DIAPH2: variants seen among roughly 807,000 people sequenced by gnomAD.
DIAPH2 encodes the protein diaphanous related formin 2, also known as protein diaphanous homolog 2.
DIAPH2 carries 35 observed loss-of-function variants against 92.7 expected under a neutral mutation model. The observed-to-expected ratio is 0.38, with a 90% CI of 0.29 to 0.50. The LOEUF (loss-of-function observed/expected upper bound fraction) is 0.50, where lower values mean the gene tolerates loss of function less well. Ranked by LOEUF, DIAPH2 falls within the 20% of genes least tolerant of loss-of-function variation. DIAPH2 has a pLI of 0.94. For synonymous variants in DIAPH2, 301 were observed against 280.4 expected (o/e 1.07, Z -0.73); for missense variants, 701 against 819.5 (o/e 0.86, Z 1.77).
At chrX:97,127,735 G>A (rs953961262) in intron 21 of DIAPH2, among the ~76,000 whole-genome samples, 2 of 112,508 alleles carry the variant, frequency 1.8e-5, no homozygotes, top group Admixed American at 1.9e-4. Flanking sequence ...GGCCAGGTGC[G>A]GTGGCTCACG....
intron 23 of DIAPH2, among the ~76,000 whole-genome samples, chrX:97,327,906 A>G (rs1343134515): frequency 1.8e-5 from 2 of 112,252 alleles, no homozygotes; most frequent in Admixed American, 1.9e-4. Context: ...TTCCAAGTTG[A>G]CATTTCCCTG....
chrX:97,225,447 T>C (rs1460425873), intron 22 of DIAPH2, among the ~76,000 whole-genome samples: 1 of 111,783 alleles, frequency 8.9e-6, no homozygotes, highest in Non-Finnish European at 1.9e-5. Flanking sequence ...CAAGTGAATA[T>C]TATTTATACT....
intron 9 of DIAPH2, among the ~76,000 whole-genome samples, chrX:96,929,682 T>C (rs2065606997): frequency 9.0e-6 from 1 of 111,513 alleles, no homozygotes; most frequent in African/African-American, 3.2e-5. Flanking sequence ...AATATATTTT[T>C]CCCATGCTAA....
At chrX:97,296,536 T>C (rs1342941143) in intron 23 of DIAPH2, among the ~76,000 whole-genome samples, 3 of 112,049 alleles carry the variant, frequency 2.7e-5, no homozygotes, top group Middle Eastern at 4.6e-3. Flanking sequence ...TTCTCTCACA[T>C]GTAAGCATAT....
intron 20 of DIAPH2, among the ~76,000 whole-genome samples, chrX:97,110,852 G>A (rs899284136): frequency 8.1e-5 from 9 of 110,833 alleles, no homozygotes; most frequent in African/African-American, 1.3e-4. Flanking sequence ...GCATGGTGGC[G>A]GCTGCCTGTA....
intron 24 of DIAPH2, among the ~76,000 whole-genome samples, chrX:97,358,699 A>C (rs186240797): frequency 9.0e-6 from 1 of 110,791 alleles, no homozygotes; most frequent in East Asian, 2.8e-4. Flanking sequence ...GGCTTGTAAA[A>C]TTTTTTAATT....
intron 24 of DIAPH2, among the ~76,000 whole-genome samples, chrX:97,358,019 C>T (rs754466833): frequency 8.9e-6 from 1 of 111,872 alleles, no homozygotes; most frequent in Non-Finnish European, 1.9e-5. Flanking sequence ...ACATTGTCTC[C>T]TAGTTTTCCA....
intron 19 of DIAPH2, among the ~76,000 whole-genome samples, chrX:97,085,668 C>T (rs1402753161): frequency 9.0e-6 from 1 of 111,394 alleles, no homozygotes; most frequent in Middle Eastern, 4.2e-3. Context: ...CCGCCTGCCT[C>T]GGCCTCCCAA....
chrX:96,918,718 T>C (rs1287471715), intron 9 of DIAPH2, 101 bp downstream of exon 9: 6 of 542,397 alleles, frequency 1.1e-5, no homozygotes, highest in Non-Finnish European at 1.7e-5. Flanking sequence ...TAGTATGGAA[T>C]GTAAAACTAA....
chrX:97,323,414 A>C (rs1477016423), intron 23 of DIAPH2, among the ~76,000 whole-genome samples: 3 of 99,631 alleles, frequency 3.0e-5, no homozygotes, highest in Non-Finnish European at 6.1e-5. Flanking sequence ...ACACGGTGAA[A>C]CCCTGTCTCT....
chrX:96,877,214 G>A (rs1569418150), intron 4 of DIAPH2, among the ~76,000 whole-genome samples: 1 of 111,294 alleles, frequency 9.0e-6, no homozygotes, highest in Non-Finnish European at 1.9e-5. Context: ...GATGAAAATG[G>A]CATTTTGATT....
In DIAPH2 at chrX:96,803,418, C is replaced by G. The variant is rs754959474; in HGVS notation, c.447+45160C>G. The stretch of plus-strand genomic sequence containing the variant: ...TCATACAGAAAATCTGATATGTTAG[C>G]CCCTAATTTAACCAATATGTTAAAT... On this transcript the variant is annotated intron_variant, in intron 4 of 26. Coordinates refer to ENST00000324765, the MANE Select transcript of DIAPH2 (RefSeq NM_006729.5). Among the ~76,000 whole-genome samples the G allele has an allele frequency of 6.3e-5, 7 of 111,431 alleles. No individual in the cohort carries two copies. In the South Asian group the frequency reaches 2.6e-3, roughly 42 times the overall value.
intron 22 of DIAPH2, among the ~76,000 whole-genome samples, chrX:97,218,241 C>T (rs1166047615): frequency 1.8e-5 from 2 of 109,987 alleles, no homozygotes; most frequent in Admixed American, 9.7e-5. Flanking sequence ...AGGTGCCTGC[C>T]ACCACACACA....
intron 3 of DIAPH2, among the ~76,000 whole-genome samples, chrX:96,740,572 A>C (rs1422618480): frequency 9.0e-6 from 1 of 111,710 alleles, no homozygotes; most frequent in Non-Finnish European, 1.9e-5. Context: ...TCTTCCCTTC[A>C]TTGATTATCT....
chrX:97,080,741 G>A (rs993038938), intron 19 of DIAPH2, among the ~76,000 whole-genome samples: 1 of 111,313 alleles, frequency 9.0e-6, no homozygotes, highest in African/African-American at 3.3e-5. Flanking sequence ...AAAGATAGAT[G>A]GGTATCTATT....
chrX:96,856,667 C>G (rs765904291), intron 4 of DIAPH2, among the ~76,000 whole-genome samples: 1 of 110,123 alleles, frequency 9.1e-6, no homozygotes, highest in Non-Finnish European at 1.9e-5. Context: ...TACTCATTTG[C>G]TCTTTCAGCA....
At chrX:97,300,749 G>T (rs1221719795) in intron 23 of DIAPH2, among the ~76,000 whole-genome samples, 2 of 88,124 alleles carry the variant, frequency 2.3e-5, no homozygotes, top group Non-Finnish European at 4.5e-5. Flanking sequence ...TGGCTAACAC[G>T]GTGAAACCCC....
chrX:96,685,257 A>AACACGGGGGC (rs2063764534), intron 1 of DIAPH2, 67 bp downstream of exon 1: 4 of 958,699 alleles, frequency 4.2e-6, no homozygotes, highest in Non-Finnish European at 4.0e-6. Flanking sequence ...CCTGCCATTG[A>AACACGGGGGC]ACACGGGGGC....
chrX:97,486,538 C>G (rs1369267529), intron 26 of DIAPH2, among the ~76,000 whole-genome samples: 1 of 111,656 alleles, frequency 9.0e-6, no homozygotes, highest in African/African-American at 3.3e-5. Flanking sequence ...CTAGCCATTT[C>G]CTGGTGTGCT....
Sources: gnomAD v4.1 joint callset for allele counts (sites outside exome capture counted in the v4.1 genomes callset) on GRCh38, gnomAD v4.1.1 for gene constraint, MANE v1.5 for transcripts, NCBI Gene and HGNC (gene_info 2026-07-23, HGNC 2026-07-21) for gene names.